The following DDAH1 variants were observed in gnomAD, a reference collection of about 807,000 sequenced individuals.
The protein encoded by DDAH1 is dimethylarginine dimethylaminohydrolase 1.
A neutral mutation model predicts 28.8 loss-of-function variants in DDAH1; 19 were observed. That is an observed-to-expected ratio of 0.66 (90% CI 0.46 to 0.97). The LOEUF (loss-of-function observed/expected upper bound fraction) is 0.97. Among genes scored for constraint, DDAH1 ranks in the 50% least tolerant of loss-of-function variants. The pLI is 0.00. For synonymous variants in DDAH1, 153 were observed against 154.4 expected, an observed-to-expected ratio of 0.99 and a Z score of 0.07; for missense variants, 326 against 375.9, an observed-to-expected ratio of 0.87 and a Z score of 1.10.
chr1:85,500,114 TTTTCTTTCTTTCTTTC>T (rs199804690), intron 1 of DDAH1, among the ~76,000 whole-genome samples: 108 of 129,892 alleles, frequency 8.3e-4, no homozygotes, highest in African/African-American at 2.6e-3. Flanking sequence ...CTTTCTTTTC[TTTTCTTTCTTTCTTTC>T]TTTCTTTCTT....
intron 1 of DDAH1, chr1:85,576,805 G>A (rs1191959464): frequency 2.0e-5 from 3 of 152,486 alleles, no homozygotes; most frequent in African/African-American, 7.2e-5. Flanking sequence ...GCCCTCAGAG[G>A]GGTGAGGACT....
chr1:85,425,121 T>A (rs1475866537), intron 1 of DDAH1, among the ~76,000 whole-genome samples: 1 of 152,136 alleles, frequency 6.6e-6, no homozygotes, highest in Non-Finnish European at 1.5e-5. Context: ...AGCTGTCATG[T>A]CACATTAACT....
intron 1 of DDAH1, among the ~76,000 whole-genome samples, chr1:85,372,487 A>T (rs1012638046): frequency 1.3e-5 from 2 of 152,196 alleles, no homozygotes; most frequent in African/African-American, 2.4e-5. Flanking sequence ...TATTCTACCA[A>T]GGAAAACTAA....
chr1:85,328,120 G>A (rs1647526082), intron 4 of DDAH1, among the ~76,000 whole-genome samples: 1 of 152,124 alleles, frequency 6.6e-6, no homozygotes, highest in Non-Finnish European at 1.5e-5. Context: ...AAATCAACAA[G>A]GCCAAGGTTT....
intron 2 of DDAH1, among the ~76,000 whole-genome samples, chr1:85,475,461 G>C (rs17127778): frequency 0.34 from 52,001 of 151,930 alleles, 9,566 homozygotes; most frequent in East Asian, 0.5. Flanking sequence ...CCATTCTAGG[G>C]TCAAACCCCA....
At chr1:85,521,373 A>G (rs1323810405) in intron 1 of DDAH1, among the ~76,000 whole-genome samples, 1 of 151,498 alleles carries the variant, frequency 6.6e-6, no homozygotes, top group Admixed American at 6.6e-5. Flanking sequence ...GTGTTGTTTC[A>G]GATCTGGGCT....
chr1:85,489,728 T>C (rs1313979941), intron 2 of DDAH1, among the ~76,000 whole-genome samples: 7 of 152,036 alleles, frequency 4.6e-5, no homozygotes, highest in African/African-American at 1.2e-4. Context: ...ATCAAGGTAA[T>C]GAGGTTACAA....
chr1:85,566,151 G>A (rs1039542561), intron 1 of DDAH1, among the ~76,000 whole-genome samples: 3 of 151,244 alleles, frequency 2.0e-5, no homozygotes, highest in African/African-American at 7.3e-5. Flanking sequence ...AATAAAAAAG[G>A]AAATACAACA....
chr1:85,484,315 T>A (rs914279090), intron 2 of DDAH1, among the ~76,000 whole-genome samples: 4 of 151,872 alleles, frequency 2.6e-5, no homozygotes, highest in Non-Finnish European at 1.5e-5. Flanking sequence ...TTTTTCAACT[T>A]TGTGGTATAA....
At chr1:85,327,744 A>G (rs544897659) in intron 4 of DDAH1, among the ~76,000 whole-genome samples, 5 of 152,312 alleles carry the variant, frequency 3.3e-5, no homozygotes, top group Admixed American at 1.3e-4. Flanking sequence ...TGCTATACCT[A>G]TCCTCCACAG....
intron 1 of DDAH1, among the ~76,000 whole-genome samples, chr1:85,534,135 T>C (rs575797633): frequency 3.3e-5 from 5 of 152,326 alleles, no homozygotes; most frequent in African/African-American, 1.2e-4. Context: ...TTCTTTGCAT[T>C]CTACAGGCTC....
rs535336403 is a variant in DDAH1, at chr1:85,414,523, C to A, written c.303+50220G>T. ...TTGGAGACAATCTTTGCAACACACA[C>A]AATCAACAAAGGATGTTTCCAGAAC... On this transcript the variant is annotated intron_variant, in intron 1 of 5. Coordinates refer to ENST00000284031, the MANE Select transcript of DDAH1 (RefSeq NM_012137.4). 3.9e-5 allele frequency among the ~76,000 whole-genome samples: 6 copies of A among 152,248 alleles called. No homozygotes were observed. The South Asian group carries it at 1.2e-3, about 32-fold the overall frequency.
At chr1:85,443,077 T>C (rs946416247) in intron 1 of DDAH1, among the ~76,000 whole-genome samples, 7 of 152,184 alleles carry the variant, frequency 4.6e-5, no homozygotes, top group African/African-American at 1.7e-4. Context: ...TTGCTTTTGG[T>C]GTTTTAGACA....
At chr1:85,542,507 C>A (rs1658498525) in intron 1 of DDAH1, among the ~76,000 whole-genome samples, 1 of 152,194 alleles carries the variant, frequency 6.6e-6, no homozygotes, top group Non-Finnish European at 1.5e-5. Context: ...CACCTCATAT[C>A]TCAATTTCTA....
intron 1 of DDAH1, among the ~76,000 whole-genome samples, chr1:85,547,491 A>G (rs1277894016): frequency 6.6e-6 from 1 of 152,196 alleles, no homozygotes; most frequent in Non-Finnish European, 1.5e-5. Context: ...TTGCCTTCAC[A>G]GGGCTTCACA....
intron 1 of DDAH1, among the ~76,000 whole-genome samples, chr1:85,460,064 C>T (rs2100686639): frequency 6.6e-6 from 1 of 152,338 alleles, no homozygotes; most frequent in East Asian, 1.9e-4. Flanking sequence ...AGTCACTTAA[C>T]CTCAGTTACC....
chr1:85,443,450 T>C (rs1654291600), intron 1 of DDAH1, among the ~76,000 whole-genome samples: 2 of 152,196 alleles, frequency 1.3e-5, no homozygotes, highest in Non-Finnish European at 1.5e-5. Flanking sequence ...TAGTTTGAAG[T>C]CAGGTAGCAT....
intron 1 of DDAH1, among the ~76,000 whole-genome samples, chr1:85,502,976 T>C (rs546815898): frequency 6.6e-6 from 1 of 152,324 alleles, no homozygotes; most frequent in Non-Finnish European, 1.5e-5. Flanking sequence ...AGTCAGTGGA[T>C]TGATGTCCCC....
In DDAH1 at chr1:85,506,742, A is replaced by G. The variant is rs965108030; in HGVS notation, c.-122-10461T>C. Among the ~76,000 whole-genome samples, 19 of 152,222 alleles carry G rather than the reference A, an allele frequency of 1.2e-4. No individual in the cohort carries two copies. In the East Asian group the frequency reaches 3.5e-3, roughly 28 times the overall value. On this transcript the variant is annotated intron_variant, in intron 1 of 6. Coordinates refer to the DDAH1 transcript ENST00000426972. ...TTGCTAAGCTTATTCAGACTTTACC[A>G]TGTGGGTGATGAGGAAGGGAATGAC... is the stretch of plus-strand genomic sequence containing the variant.
Sources: allele counts gnomAD v4.1 joint callset (sites outside exome capture counted in the v4.1 genomes callset), GRCh38; gene constraint gnomAD v4.1.1; transcripts MANE v1.5; gene names NCBI Gene and HGNC (gene_info 2026-07-23, HGNC 2026-07-21).